Variants in LHFPL3 observed in about 807,000 individuals in gnomAD.
LHFPL3 encodes LHFPL tetraspan subfamily member 3 protein.
In LHFPL3, 5 loss-of-function variants were observed where a neutral mutation model predicts 19.3. That is an observed-to-expected ratio of 0.26 (90% confidence interval 0.14 to 0.54). The LOEUF is 0.54. Ranked by LOEUF, LHFPL3 falls within the 20% of genes least tolerant of loss-of-function variation. The probability of loss-of-function intolerance (pLI) is 0.94; values close to 1 mark genes in which losing one functional copy is unlikely to be tolerated. For missense variants in LHFPL3, 249 were observed against 307.4 expected (o/e 0.81, Z 1.42); for synonymous variants, 133 against 126.2 (o/e 1.05, Z -0.36).
chr7:104,807,009 A>ATGTGTGTGTGTGTG (rs750104248), intron 2 of LHFPL3, among the ~76,000 whole-genome samples: 63 of 71,366 alleles, frequency 8.8e-4, no homozygotes, highest in Non-Finnish European at 1.4e-3. Flanking sequence ...ACCAAAATAT[A>ATGTGTGTGTGTGTG]TATGTGTGTG....
At chr7:104,714,363 G>A (rs1793347699) in intron 1 of LHFPL3, among the ~76,000 whole-genome samples, 1 of 152,026 alleles carries the variant, frequency 6.6e-6, no homozygotes, top group South Asian at 2.1e-4. Context: ...CAAACATATT[G>A]TAAATTATCT....
At chr7:104,409,395 G>A (rs959489063) in intron 1 of LHFPL3, among the ~76,000 whole-genome samples, 14 of 152,006 alleles carry the variant, frequency 9.2e-5, no homozygotes, top group Admixed American at 9.2e-4. Context: ...TGACCCCTTG[G>A]TGTTGCCTGG....
At chr7:104,490,930 C>A (rs540655298) in intron 1 of LHFPL3, among the ~76,000 whole-genome samples, 1 of 152,230 alleles carries the variant, frequency 6.6e-6, no homozygotes, top group East Asian at 1.9e-4. Context: ...CATCATTGGT[C>A]TTCTTCATTC....
At chr7:104,701,326 C>G (rs1196255031) in intron 1 of LHFPL3, among the ~76,000 whole-genome samples, 1 of 152,086 alleles carries the variant, frequency 6.6e-6, no homozygotes, top group Non-Finnish European at 1.5e-5. Flanking sequence ...GCTCTCCCCA[C>G]GCAGTCAAAA....
At chr7:104,759,453 TA>T (rs1461760564) in intron 2 of LHFPL3, among the ~76,000 whole-genome samples, 1 of 152,174 alleles carries the variant, frequency 6.6e-6, no homozygotes, top group Non-Finnish European at 1.5e-5. Context: ...GTAATCAATA[TA>T]AAAAATTATA....
At chr7:104,503,977 A>T (rs1793651636) in intron 1 of LHFPL3, among the ~76,000 whole-genome samples, 1 of 152,132 alleles carries the variant, frequency 6.6e-6, no homozygotes, top group Admixed American at 6.6e-5. Flanking sequence ...TATTTGGTTG[A>T]TATGGAAAAT....
chr7:104,430,405 C>CGTGTATAT (rs1554393164), intron 1 of LHFPL3, among the ~76,000 whole-genome samples: 726 of 22,312 alleles, frequency 0.033, 53 homozygotes, highest in Admixed American at 0.05. Flanking sequence ...TATATATATA[C>CGTGTATAT]ATATATATAT....
chr7:104,717,535 C>A (rs1793411432), intron 1 of LHFPL3, among the ~76,000 whole-genome samples: 1 of 151,936 alleles, frequency 6.6e-6, no homozygotes, highest in Non-Finnish European at 1.5e-5. Flanking sequence ...ATACAAGTGG[C>A]CAATGGGTAT....
rs545560588 is a variant in LHFPL3, at chr7:104,467,725, G to A, written c.445+138501G>A. Among the ~76,000 whole-genome samples, 3 of 152,276 alleles carry A rather than the reference G, an allele frequency of 2.0e-5. No homozygotes were observed. In the East Asian group the frequency reaches 5.8e-4, roughly 29 times the overall value. On this transcript the variant is annotated intron_variant, in intron 1 of 2. Transcript: ENST00000424859. ...TACACTCGGACAGGATTATATTTGG[G>A]AATATACAGATTAAAAACATGGATT...
Position 104,464,992 on chromosome 7 carries a change from TA to T in LHFPL3, c.445+135771del, listed in dbSNP as rs1270080555. On this transcript the variant is annotated intron_variant, in intron 1 of 2. Transcript: ENST00000424859. ...TAAATTTTTATGCTTTGCTTCCTCT[TA>T]AATGCTTTGCTACTTAGAAATTTCT... Among the ~76,000 whole-genome samples, 9 of 152,230 alleles carry T rather than the reference TA, an allele frequency of 5.9e-5. 1 individual carries two copies. Among genetic ancestry groups the T allele is most frequent in the African/African-American group, 1.2e-4 (5 of 41,470 alleles).
At chr7:104,851,206 A>C (rs1215163256) in intron 2 of LHFPL3, among the ~76,000 whole-genome samples, 1 of 152,238 alleles carries the variant, frequency 6.6e-6, no homozygotes, top group Non-Finnish European at 1.5e-5. Context: ...TAGTATCTGC[A>C]TCATAACTCA....
chr7:104,874,754 G>A (rs1259602325), intron 2 of LHFPL3, among the ~76,000 whole-genome samples: 1 of 152,022 alleles, frequency 6.6e-6, no homozygotes, highest in Non-Finnish European at 1.5e-5. Context: ...TGGGTTTCAA[G>A]AGGCCCTCAG....
intron 1 of LHFPL3, among the ~76,000 whole-genome samples, chr7:104,608,036 A>G (rs1379980723): frequency 6.6e-6 from 1 of 152,224 alleles, no homozygotes; most frequent in Non-Finnish European, 1.5e-5. Flanking sequence ...GAACACTTTT[A>G]CACTGTTGGT....
At chr7:104,696,841 T>C (rs1793004998) in intron 1 of LHFPL3, among the ~76,000 whole-genome samples, 3 of 152,172 alleles carry the variant, frequency 2.0e-5, no homozygotes, top group Admixed American at 1.3e-4. Flanking sequence ...TTGTGGTATG[T>C]GTTAGTCCAT....
chr7:104,469,988 C>T (rs930439378), intron 1 of LHFPL3: 30 of 455,846 alleles, frequency 6.6e-5, no homozygotes, highest in Non-Finnish European at 1.2e-4. Context: ...TGAAATGCCA[C>T]ACTCTGAGAA....
chr7:104,758,959 T>C (rs889060558), intron 2 of LHFPL3, among the ~76,000 whole-genome samples: 1 of 152,210 alleles, frequency 6.6e-6, no homozygotes, highest in African/African-American at 2.4e-5. Flanking sequence ...TAAGAAATTG[T>C]CATTTGAGAC....
chr7:104,566,660 C>A (rs1790131525), intron 1 of LHFPL3, among the ~76,000 whole-genome samples: 1 of 152,108 alleles, frequency 6.6e-6, no homozygotes. Context: ...GGCATCATAC[C>A]TTTCTTTCCC....
intron 1 of LHFPL3, among the ~76,000 whole-genome samples, chr7:104,563,316 G>C (rs1361786725): frequency 8.5e-5 from 13 of 152,064 alleles, no homozygotes; most frequent in African/African-American, 2.9e-4. Flanking sequence ...TCAGACTGCT[G>C]TGCTAGCAAT....
intron 1 of LHFPL3, among the ~76,000 whole-genome samples, chr7:104,559,476 CTGTT>C (rs1474403376): frequency 1.3e-5 from 2 of 149,756 alleles, no homozygotes; most frequent in South Asian, 4.2e-4. Flanking sequence ...ATTTGGCTCT[CTGTT>C]TGTCTGTTGT....
Sources: gnomAD v4.1 joint callset for allele counts (sites outside exome capture counted in the v4.1 genomes callset) on GRCh38, gnomAD v4.1.1 for gene constraint, MANE v1.5 for transcripts, NCBI Gene and HGNC (gene_info 2026-07-23, HGNC 2026-07-21) for gene names.